The following PARD3B variants were observed in gnomAD, a reference collection of about 807,000 sequenced individuals.
PARD3B encodes the protein partitioning defective 3 homolog B.
Under a neutral mutation model 130.2 loss-of-function variants are expected in PARD3B, and 103 were observed. That is an observed-to-expected ratio of 0.79 (90% CI 0.67 to 0.93). PARD3B has a LOEUF of 0.93. Ranked by LOEUF, PARD3B falls within the 40% of genes least tolerant of loss-of-function variation. PARD3B has a pLI of 0.00. For missense variants in PARD3B, 1,609 were observed against 1,499.2 expected (o/e 1.07, Z -1.21); for synonymous variants, 583 against 553.2 (o/e 1.05, Z -0.76).
At chr2:204,697,275 A>T (rs2037654554) in intron 2 of PARD3B, among the ~76,000 whole-genome samples, 1 of 152,076 alleles carries the variant, frequency 6.6e-6, no homozygotes, top group Admixed American at 6.6e-5. Context: ...TTACTTGGAA[A>T]TGGAAGTACC....
intron 4 of PARD3B, among the ~76,000 whole-genome samples, chr2:205,097,398 T>A (rs1369989714): frequency 6.6e-6 from 1 of 152,158 alleles, no homozygotes; most frequent in Non-Finnish European, 1.5e-5. Flanking sequence ...AGGAGACCAG[T>A]CATTTCAGCT....
At chr2:205,583,615 T>G (rs1329725124) in intron 22 of PARD3B, among the ~76,000 whole-genome samples, 1 of 152,206 alleles carries the variant, frequency 6.6e-6, no homozygotes, top group East Asian at 1.9e-4. Context: ...TTGGTTCCAT[T>G]ATTTATCTAT....
At chr2:204,998,350 ATATATATATGTGTG>A (rs1452301539) in intron 3 of PARD3B, among the ~76,000 whole-genome samples, 1 of 77,856 alleles carries the variant, frequency 1.3e-5, no homozygotes, top group Non-Finnish European at 2.4e-5. Flanking sequence ...ATATATATAT[ATATATATATGTGTG>A]TGTGTGTGTG....
intron 21 of PARD3B, among the ~76,000 whole-genome samples, chr2:205,518,268 T>A (rs2050878738): frequency 1.3e-5 from 2 of 152,224 alleles, no homozygotes; most frequent in Admixed American, 1.3e-4. Context: ...GCTACTGTAC[T>A]GGGTTTATAT....
intron 2 of PARD3B, among the ~76,000 whole-genome samples, chr2:204,737,824 T>C (rs2039826473): frequency 6.6e-6 from 1 of 152,188 alleles, no homozygotes; most frequent in South Asian, 2.1e-4. Flanking sequence ...ATACATAGGA[T>C]GTCCATTCCC....
intron 18 of PARD3B, among the ~76,000 whole-genome samples, chr2:205,329,443 C>T (rs2043038312): frequency 6.6e-6 from 1 of 152,274 alleles, no homozygotes; most frequent in Admixed American, 6.5e-5. Context: ...AGCTTCTTAG[C>T]TCAGACAGTG....
chr2:204,837,462 C>T (rs1292193928), intron 2 of PARD3B, among the ~76,000 whole-genome samples: 1 of 150,556 alleles, frequency 6.6e-6, no homozygotes, highest in Admixed American at 6.6e-5. Context: ...ACTCTGTTGC[C>T]CAGGCTGGAG....
rs1055598329 is a variant in PARD3B at position 205,104,084 on chromosome 2, C to T, written c.505-342C>T. ...TACCTTAAGGCTAATATATCACCAT[C>T]TGTCACCAGAGTCCCCCCTTTGGTA... On this transcript the variant is annotated intron_variant, in intron 4 of 22. Transcript: ENST00000406610. 2.0e-5 allele frequency among the ~76,000 whole-genome samples: 3 copies of T among 152,198 alleles called. No homozygotes were observed. The East Asian group carries it at 5.8e-4, about 29-fold the overall frequency.
intron 20 of PARD3B, among the ~76,000 whole-genome samples, chr2:205,464,809 G>C (rs1360320787): frequency 2.0e-5 from 3 of 152,134 alleles, no homozygotes; most frequent in Non-Finnish European, 4.4e-5. Context: ...GTGGCCTGTT[G>C]CAGGGTTTAA....
At chr2:204,724,920 C>G (rs2039158782) in intron 2 of PARD3B, among the ~76,000 whole-genome samples, 1 of 152,062 alleles carries the variant, frequency 6.6e-6, no homozygotes, top group African/African-American at 2.4e-5. Context: ...TAGAACTGAT[C>G]CAGTCTATTT....
At chr2:205,193,627 A>G (rs1017180677) in intron 15 of PARD3B, among the ~76,000 whole-genome samples, 1 of 152,204 alleles carries the variant, frequency 6.6e-6, no homozygotes, top group African/African-American at 2.4e-5. Flanking sequence ...TATCTCATCC[A>G]TCTGCCTTTG....
At chr2:205,111,159 A>G (rs917003264) in intron 5 of PARD3B, among the ~76,000 whole-genome samples, 6 of 152,244 alleles carry the variant, frequency 3.9e-5, no homozygotes, top group African/African-American at 7.2e-5. Flanking sequence ...TTTATTACTT[A>G]TCTTTATTAA....
At position 204,868,860 on chromosome 2, in the gene PARD3B, A is replaced by G. The variant is rs143068654; in HGVS notation, c.223-96292A>G. Among the ~76,000 whole-genome samples, 64 of 152,268 alleles carry G rather than the reference A, an allele frequency of 4.2e-4. No individual in the cohort carries two copies. The South Asian group carries it at 7.5e-3, about 18-fold the overall frequency. The stretch of plus-strand genomic sequence containing the variant: ...ACTCTGCATTTGTGGTGGAGATCCC[A>G]TGCAATGGCAATTAGGTAGAAAGAG... On this transcript the variant is annotated intron_variant, in intron 2 of 22. Coordinates refer to ENST00000406610, the MANE Select transcript of PARD3B (RefSeq NM_001302769.2).
In PARD3B at chr2:205,325,325, G is replaced by A. The variant is rs948347242; in HGVS notation, c.2630+23624G>A. The stretch of plus-strand genomic sequence containing the variant: ...TCATAATGTGCCATGACAGCATTAA[G>A]GTAGTCAATGCCTTGGGCTTTTCAT... On this transcript the variant is annotated intron_variant, in intron 18 of 22. Transcript: ENST00000406610. This position sits in a 1 kb window ranked among gnomAD's most constrained non-coding sequence, Gnocchi z 4.1. 2.6e-5 allele frequency among the ~76,000 whole-genome samples: 4 copies of A among 152,090 alleles called. No individual in the cohort carries two copies. Among genetic ancestry groups the A allele is most frequent in the African/African-American group, 9.7e-5 (4 of 41,406 alleles).
At chr2:204,727,372 T>C (rs1157961679) in intron 2 of PARD3B, among the ~76,000 whole-genome samples, 1 of 152,230 alleles carries the variant, frequency 6.6e-6, no homozygotes, top group Non-Finnish European at 1.5e-5. Context: ...TGCAGTCAGC[T>C]ATATAGGAGA....
chr2:204,649,228 T>G (rs2035396164), intron 1 of PARD3B, among the ~76,000 whole-genome samples: 1 of 151,008 alleles, frequency 6.6e-6, no homozygotes, highest in African/African-American at 2.4e-5. Context: ...GTTGAACATG[T>G]TATTTAAAGT....
chr2:205,524,693 T>TGCCACTTCCAACATAACA (rs2051256685), intron 21 of PARD3B, among the ~76,000 whole-genome samples: 1 of 152,326 alleles, frequency 6.6e-6, no homozygotes, highest in South Asian at 2.1e-4. Flanking sequence ...TTCAGAATGC[T>TGCCACTTCCAACATAACA]GCCACTTCCA....
chr2:204,615,477 T>A (rs1003656852), intron 1 of PARD3B, among the ~76,000 whole-genome samples: 4 of 152,196 alleles, frequency 2.6e-5, no homozygotes, highest in Non-Finnish European at 5.9e-5. Context: ...TTGTACAGTA[T>A]TAAAATATCA....
At chr2:204,608,063 A>G (rs560174566) in intron 1 of PARD3B, among the ~76,000 whole-genome samples, 6 of 152,286 alleles carry the variant, frequency 3.9e-5, no homozygotes, top group African/African-American at 9.6e-5. Flanking sequence ...GAAGTTTGCA[A>G]GATGGTTTGC....
Sources: gnomAD v4.1 joint callset for allele counts (sites outside exome capture counted in the v4.1 genomes callset) on GRCh38, gnomAD v4.1.1 for gene constraint, Gnocchi (gnomAD v3.1) non-coding constraint, MANE v1.5 for transcripts, NCBI Gene and HGNC (gene_info 2026-07-23, HGNC 2026-07-21) for gene names.